The following NTNG1 variants were observed in gnomAD, a reference collection of about 807,000 sequenced individuals.
The protein encoded by NTNG1 is netrin G1.
A neutral mutation model predicts 54.0 loss-of-function variants in NTNG1; 16 were observed. The observed-to-expected ratio is 0.30, with a 90% CI of 0.20 to 0.45. The LOEUF (loss-of-function observed/expected upper bound fraction) is 0.45. NTNG1 is among the 20% of genes least tolerant of loss of function. The probability of loss-of-function intolerance (pLI) is 1.00; values close to 1 mark genes in which losing one functional copy is unlikely to be tolerated. For missense variants in NTNG1, 530 were observed against 678.7 expected (o/e 0.78, Z 2.43); for synonymous variants, 255 against 263.1 (o/e 0.97, Z 0.30).
intron 2 of NTNG1, among the ~76,000 whole-genome samples, chr1:107,217,773 G>T (rs1660072170): frequency 6.6e-6 from 1 of 152,102 alleles, no homozygotes; most frequent in African/African-American, 2.4e-5. Context: ...TTCCTTTGGA[G>T]TTGATTTCCA....
intron 2 of NTNG1, among the ~76,000 whole-genome samples, chr1:107,314,034 A>G (rs1667183140): frequency 6.6e-6 from 1 of 152,218 alleles, no homozygotes; most frequent in African/African-American, 2.4e-5. Flanking sequence ...TTAAAAAATT[A>G]TTCTTTAGTA....
intron 5 of NTNG1, among the ~76,000 whole-genome samples, chr1:107,422,853 T>C (rs1674659654): frequency 2.0e-5 from 3 of 152,158 alleles, no homozygotes; most frequent in Admixed American, 1.3e-4. Context: ...TTGTATTTTA[T>C]GTTATATTTA....
intron 3 of NTNG1, among the ~76,000 whole-genome samples, chr1:107,343,385 C>T (rs968332567): frequency 6.6e-6 from 1 of 152,032 alleles, no homozygotes; most frequent in Non-Finnish European, 1.5e-5. Flanking sequence ...GAACCTTGGC[C>T]GTGAAAGAAC....
chr1:107,235,649 T>A lies in NTNG1; in HGVS notation c.246+86810T>A, dbSNP rs900452159. 4.5e-4 allele frequency among the ~76,000 whole-genome samples: 68 copies of A among 152,244 alleles called. 1 individual carries two copies. The highest frequency in any genetic ancestry group is 1.4e-3 in the African/African-American group (58 of 41,534). ...CCTTCTCCATAACAAAGGCTTTAAC[T>A]CCACAGTAATAGACTTTATCCTCAG... On this transcript the variant is annotated intron_variant, in intron 2 of 7. Coordinates refer to ENST00000370068, the MANE Select transcript of NTNG1 (RefSeq NM_001113226.3).
intron 2 of NTNG1, among the ~76,000 whole-genome samples, chr1:107,241,293 G>A (rs1661804538): frequency 6.6e-6 from 1 of 152,106 alleles, no homozygotes; most frequent in South Asian, 2.1e-4. Flanking sequence ...AGTTCCCTTA[G>A]TTTCCTGCAT....
intron 3 of NTNG1, among the ~76,000 whole-genome samples, chr1:107,394,543 G>C (rs1343801895): frequency 6.6e-6 from 1 of 152,032 alleles, no homozygotes; most frequent in African/African-American, 2.4e-5. Flanking sequence ...GAGGATTACT[G>C]TGTCTCACCC....
chr1:107,149,923 T>C (rs1339271277), intron 2 of NTNG1, among the ~76,000 whole-genome samples: 1 of 152,164 alleles, frequency 6.6e-6, no homozygotes, highest in Non-Finnish European at 1.5e-5. Flanking sequence ...GTGAAACTAT[T>C]AATCAAAGTA....
chr1:107,169,879 A>G (rs1656088701), intron 2 of NTNG1, among the ~76,000 whole-genome samples: 1 of 152,188 alleles, frequency 6.6e-6, no homozygotes, highest in Non-Finnish European at 1.5e-5. Context: ...CAACTGAAAA[A>G]TCTTTATGGC....
intron 3 of NTNG1, among the ~76,000 whole-genome samples, chr1:107,343,328 A>G (rs1345238162): frequency 1.3e-5 from 2 of 152,114 alleles, no homozygotes; most frequent in African/African-American, 2.4e-5. Flanking sequence ...GATCTACTAT[A>G]TTAACATCCA....
intron 2 of NTNG1, among the ~76,000 whole-genome samples, chr1:107,279,675 A>T (rs762685870): frequency 9.9e-5 from 15 of 152,212 alleles, no homozygotes; most frequent in African/African-American, 2.9e-4. Flanking sequence ...ACTTTAAAAG[A>T]GTGAAAAGTC....
chr1:107,222,220 C>T (rs960079653), intron 2 of NTNG1, among the ~76,000 whole-genome samples: 1 of 152,136 alleles, frequency 6.6e-6, no homozygotes, highest in East Asian at 1.9e-4. Flanking sequence ...GTACTTCCCA[C>T]ATGTTATCTG....
At chr1:107,360,150 A>AT (rs528719576) in intron 3 of NTNG1, among the ~76,000 whole-genome samples, 59 of 152,108 alleles carry the variant, frequency 3.9e-4, no homozygotes, top group African/African-American at 6.0e-4. Flanking sequence ...AGAAAAATTG[A>AT]TTTTTTTTAG....
At chr1:107,463,038 G>A (rs1322811219) in intron 7 of NTNG1, among the ~76,000 whole-genome samples, 3 of 152,166 alleles carry the variant, frequency 2.0e-5, no homozygotes, top group Admixed American at 1.3e-4. Flanking sequence ...TGGACTCTTG[G>A]CTGCACTATC....
At chr1:107,355,486 T>A (rs1165508158) in intron 3 of NTNG1, among the ~76,000 whole-genome samples, 1 of 152,158 alleles carries the variant, frequency 6.6e-6, no homozygotes, top group Non-Finnish European at 1.5e-5. Flanking sequence ...TTTAAAGTTA[T>A]AATTCACAGA....
At chr1:107,405,485 G>A (rs896099634) in intron 4 of NTNG1, among the ~76,000 whole-genome samples, 1 of 152,080 alleles carries the variant, frequency 6.6e-6, no homozygotes, top group Non-Finnish European at 1.5e-5. Context: ...GCCTCGCTTG[G>A]TGAGGTTTGG....
chr1:107,219,372 C>T (rs1421150118), intron 2 of NTNG1, among the ~76,000 whole-genome samples: 2 of 152,160 alleles, frequency 1.3e-5, no homozygotes, highest in Non-Finnish European at 2.9e-5. Flanking sequence ...TCTGGTGCCT[C>T]TTCAATTGGC....
chr1:107,426,683 A>T (rs1427449729), intron 5 of NTNG1, among the ~76,000 whole-genome samples: 2 of 151,968 alleles, frequency 1.3e-5, no homozygotes, highest in Middle Eastern at 6.3e-3. Flanking sequence ...GGGGTTCCAT[A>T]TGAACTTCAG....
At chr1:107,343,527 C>T (rs534498942) in intron 3 of NTNG1, among the ~76,000 whole-genome samples, 3 of 151,210 alleles carry the variant, frequency 2.0e-5, no homozygotes, top group South Asian at 4.2e-4. Flanking sequence ...CCTTTCATTT[C>T]CCCCTTCTAC....
At chr1:107,447,640 T>A (rs950645293) in intron 7 of NTNG1, among the ~76,000 whole-genome samples, 6 of 151,938 alleles carry the variant, frequency 3.9e-5, no homozygotes, top group African/African-American at 1.5e-4. Flanking sequence ...CATGGAGGAG[T>A]TTGTGCTTCA....
Sources: gnomAD v4.1 joint callset for allele counts (sites outside exome capture counted in the v4.1 genomes callset) on GRCh38, gnomAD v4.1.1 for gene constraint, MANE v1.5 for transcripts, NCBI Gene and HGNC (gene_info 2026-07-23, HGNC 2026-07-21) for gene names.